The following DLGAP4 variants were observed in gnomAD, a reference collection of about 807,000 sequenced individuals.
DLGAP4 encodes disks large-associated protein 4.
DLGAP4 carries 18 observed loss-of-function variants against 86.9 expected under a neutral mutation model. That is an observed-to-expected ratio of 0.21 (90% CI 0.14 to 0.31). The LOEUF is 0.31. Ranked by LOEUF, DLGAP4 falls within the 10% of genes least tolerant of loss-of-function variation. The pLI, the probability that DLGAP4 is intolerant of heterozygous loss-of-function variation, is 1.00. For synonymous variants in DLGAP4, 548 were observed against 574.3 expected, an observed-to-expected ratio of 0.95 and a Z score of 0.65; for missense variants, 1,085 against 1,362.6, an observed-to-expected ratio of 0.80 and a Z score of 3.21.
rs562234817 is a variant in DLGAP4 at position 36,471,284 on chromosome 20, C to G, written c.1648+24347C>G. Among the ~76,000 whole-genome samples, 7 of 152,146 alleles carry G rather than the reference C, an allele frequency of 4.6e-5. No homozygotes were observed. In the East Asian group the frequency reaches 5.8e-4, roughly 13 times the overall value. ...CAGGCAGATCACAAAGTCAGGAGTT[C>G]GAGACCTCTACTCGACCTGGCCAAT... On this transcript the variant is annotated intron_variant, in intron 7 of 12. Coordinates refer to ENST00000339266, the MANE Select transcript of DLGAP4 (RefSeq NM_001365621.2).
chr20:36,503,443 G>A (rs763508687), intron 10 of DLGAP4, among the ~76,000 whole-genome samples: 10 of 148,340 alleles, frequency 6.7e-5, no homozygotes, highest in Admixed American at 1.3e-4. Context: ...GCCTATTCTG[G>A]ACATTTCATA....
chr20:36,374,032 CAAAAA>C (rs11472489), intron 2 of DLGAP4, among the ~76,000 whole-genome samples: 2 of 115,686 alleles, frequency 1.7e-5, no homozygotes, highest in Non-Finnish European at 3.5e-5. Context: ...GAGACTGTCT[CAAAAA>C]AAAAAAAAAA....
intron 10 of DLGAP4, among the ~76,000 whole-genome samples, chr20:36,521,060 C>T (rs745749756): frequency 6.6e-6 from 1 of 151,936 alleles, no homozygotes; most frequent in African/African-American, 2.4e-5. Flanking sequence ...CTTGAACTGC[C>T]GACCTCACCT....
intron 7 of DLGAP4, among the ~76,000 whole-genome samples, chr20:36,495,682 T>C (rs1444205812): frequency 6.6e-6 from 1 of 152,168 alleles, no homozygotes; most frequent in African/African-American, 2.4e-5. Context: ...TTCCTACCCA[T>C]GGCAGGTCCT....
intron 7 of DLGAP4, among the ~76,000 whole-genome samples, chr20:36,448,236 G>A (rs1313456568): frequency 2.0e-5 from 3 of 152,062 alleles, no homozygotes; most frequent in South Asian, 2.1e-4. Context: ...TGTGGTCCTC[G>A]CTACTCAGGA....
intron 12 of DLGAP4, 56 bp downstream of exon 12, chr20:36,526,062 A>T (rs1242575602): frequency 3.7e-6 from 6 of 1,611,268 alleles, no homozygotes; most frequent in Non-Finnish European, 5.1e-6. Context: ...GGTCGGCAAT[A>T]ACGCTGCCCA....
rs549908510 is a variant in DLGAP4, at chr20:36,420,563, C to T, written c.-72-11083C>T. Among the ~76,000 whole-genome samples the T allele has an allele frequency of 1.4e-3, 209 of 152,234 alleles. 1 individual carries two copies. The highest frequency in any genetic ancestry group is 4.4e-4 in the Non-Finnish European group (30 of 68,018). On this transcript the variant is annotated intron_variant, in intron 2 of 12. Coordinates refer to ENST00000339266, the MANE Select transcript of DLGAP4 (RefSeq NM_001365621.2). Reference sequence around the variant, plus strand: ...AGAAGAAGACTGGTTTTTGGCCAGGCGCAGTGACCCACACCTGTAATCCCA... The same window carrying T: ...AGAAGAAGACTGGTTTTTGGCCAGGTGCAGTGACCCACACCTGTAATCCCA...
chr20:36,346,699 G>A (rs1555893032), intron 1 of DLGAP4, among the ~76,000 whole-genome samples: 1 of 152,118 alleles, frequency 6.6e-6, no homozygotes, highest in African/African-American at 2.4e-5. Context: ...TCTGTCACTT[G>A]AGTGTTTTAG....
Position 36,494,984 on chromosome 20 carries a change from GTTTTTTTTTT to G in DLGAP4, c.1649-1705_1649-1696del, listed in dbSNP as rs752411826. Among the ~76,000 whole-genome samples, 117 of 75,410 alleles carry G rather than the reference GTTTTTTTTTT, an allele frequency of 1.6e-3. 1 individual carries two copies. The highest frequency in any genetic ancestry group is 5.1e-3 in the African/African-American group (95 of 18,680). 49.5% of individuals were successfully genotyped at this position (75,410 alleles called of 152,430 possible). ...AAAAGTGGTTTTTTTTTTTTGTTCG[GTTTTTTTTTT>G]TTTTTTTTTTTTTTTGAGACGGAAT... On this transcript the variant is annotated intron_variant, in intron 7 of 12. Coordinates refer to ENST00000339266, the MANE Select transcript of DLGAP4 (RefSeq NM_001365621.2).
chr20:36,452,391 G>A (rs1449741623), intron 7 of DLGAP4, among the ~76,000 whole-genome samples: 1 of 152,030 alleles, frequency 6.6e-6, no homozygotes, highest in Non-Finnish European at 1.5e-5. Context: ...GTTCTACCAG[G>A]CTGGTTTTGA....
intron 5 of DLGAP4, among the ~76,000 whole-genome samples, chr20:36,441,502 C>G (rs2033446340): frequency 6.6e-6 from 1 of 152,314 alleles, no homozygotes; most frequent in South Asian, 2.1e-4. Context: ...CTGCCTGGAA[C>G]TAGAATCATT....
At chr20:36,335,178 G>C (rs549139724) in intron 1 of DLGAP4, among the ~76,000 whole-genome samples, 1 of 152,154 alleles carries the variant, frequency 6.6e-6, no homozygotes, top group Non-Finnish European at 1.5e-5. Flanking sequence ...TCCATGGGGA[G>C]ACTAGGGGAC....
chr20:36,311,837 G>T (rs1431324358), intron 1 of DLGAP4, among the ~76,000 whole-genome samples: 1 of 152,218 alleles, frequency 6.6e-6, no homozygotes, highest in South Asian at 2.1e-4. Flanking sequence ...GGCTTTGGAC[G>T]TAAGTCAGTT....
chr20:36,424,874 TA>T (rs536831235), intron 2 of DLGAP4, among the ~76,000 whole-genome samples: 42 of 152,262 alleles, frequency 2.8e-4, no homozygotes, highest in African/African-American at 9.4e-4. Context: ...TGGCTGGGAT[TA>T]TAGGCTCAAG....
chr20:36,445,694 G>A (rs1429391292), intron 6 of DLGAP4, among the ~76,000 whole-genome samples: 1 of 152,116 alleles, frequency 6.6e-6, no homozygotes, highest in East Asian at 1.9e-4. Flanking sequence ...GACACAGCTG[G>A]CCCCAGGCCC....
chr20:36,494,722 T>TATA (rs1288224931), intron 7 of DLGAP4, among the ~76,000 whole-genome samples: 1 of 152,198 alleles, frequency 6.6e-6, no homozygotes, highest in Non-Finnish European at 1.5e-5. Flanking sequence ...GTTACCTTTT[T>TATA]ATAGCCACAC....
At chr20:36,351,693 AC>A (rs2030159273) in intron 1 of DLGAP4, among the ~76,000 whole-genome samples, 1 of 152,148 alleles carries the variant, frequency 6.6e-6, no homozygotes, top group African/African-American at 2.4e-5. Flanking sequence ...TTTCCATGAA[AC>A]CGGTTCCTGG....
chr20:36,431,726 C>A lies in DLGAP4; in HGVS notation c.9C>A (p.Gly3=). Residue 3 remains glycine, a synonymous_variant, in exon 3 of 13, where the codon GGC becomes GGA. Coordinates refer to ENST00000339266, the MANE Select transcript of DLGAP4 (RefSeq NM_001365621.2). The surrounding 1 kb of genome is among the most constrained non-coding windows in gnomAD (Gnocchi z 5.1). MK[G]LGDSRPRHLS... ...GCCCTCGGCCCGGGATCATGAAAGG[C>A]CTCGGTGACAGCCGCCCCCGCCACC... is the stretch of plus-strand genomic sequence containing the variant. 1 of 1,594,748 alleles carries A rather than the reference C, an allele frequency of 6.3e-7. No individual in the cohort carries two copies. The highest frequency in any genetic ancestry group is 1.1e-5 in the South Asian group (1 of 88,994).
intron 2 of DLGAP4, among the ~76,000 whole-genome samples, chr20:36,369,097 C>T (rs370742804): frequency 6.6e-5 from 10 of 152,222 alleles, no homozygotes; most frequent in Admixed American, 1.3e-4. Context: ...GAGGCCCGGG[C>T]GGCAGCGAGG....
Sources: gnomAD v4.1 joint callset for allele counts (sites outside exome capture counted in the v4.1 genomes callset) on GRCh38, gnomAD v4.1.1 for gene constraint, Gnocchi (gnomAD v3.1) non-coding constraint, MANE v1.5 for transcripts, NCBI Gene and HGNC (gene_info 2026-07-23, HGNC 2026-07-21) for gene names.